PRKN: variants seen among roughly 807,000 people sequenced by gnomAD.
PRKN encodes parkin RBR E3 ubiquitin protein ligase, also known as E3 ubiquitin-protein ligase parkin.
A neutral mutation model predicts 59.5 loss-of-function variants in PRKN; 56 were observed. That is an observed-to-expected ratio of 0.94 (90% confidence interval 0.76 to 1.18). PRKN has a LOEUF of 1.18. Ranked by LOEUF, PRKN falls within the 50% of genes most tolerant of loss-of-function variation. The pLI is 0.00. For missense variants in PRKN, 657 were observed against 596.4 expected (o/e 1.10, Z -1.06); for synonymous variants, 250 against 222.1 (o/e 1.13, Z -1.12).
intron 7 of PRKN, among the ~76,000 whole-genome samples, chr6:161,694,068 C>T (rs1232761162): frequency 6.6e-6 from 1 of 152,176 alleles, no homozygotes; most frequent in Non-Finnish European, 1.5e-5. Flanking sequence ...AAACACAGCA[C>T]TTAGAATCAG....
chr6:162,237,792 T>TA (rs11377179), intron 3 of PRKN, among the ~76,000 whole-genome samples: 20,150 of 145,928 alleles, frequency 0.14, 1,466 homozygotes, highest in South Asian at 0.27. Context: ...GATATTTGGT[T>TA]AAAAAAAAAA....
In PRKN at chr6:161,390,395, G is replaced by A. The variant is rs1455663861; in HGVS notation, c.1084-3518C>T. 5.9e-5 allele frequency among the ~76,000 whole-genome samples: 9 copies of A among 152,226 alleles called. No individual in the cohort carries two copies. The highest frequency in any genetic ancestry group is 5.9e-4 in the Admixed American group (9 of 15,286). On this transcript the variant is annotated intron_variant, in intron 9 of 11. Transcript: ENST00000366898. This position sits in a 1 kb window ranked among gnomAD's most constrained non-coding sequence, Gnocchi z 7.0. ...TAGATTGTGCTATTTTCCTTTTGGT[G>A]ACATTGTATCTTTGCAAAGGTGGGC...
At position 161,538,833 on chromosome 6, in the gene PRKN, T is replaced by C. The variant is rs1256120096; in HGVS notation, c.1083+10021A>G. On this transcript the variant is annotated intron_variant, in intron 9 of 11. Transcript: ENST00000366898. This position sits in a 1 kb window ranked among gnomAD's most constrained non-coding sequence, Gnocchi z 4.2. ...ATCGACTTAGCCTTTCCCAGTGGAA[T>C]GTTGGACAAGCGAGAGAAATGCCTG... Among the ~76,000 whole-genome samples, 1 of 152,134 alleles carries C rather than the reference T, an allele frequency of 6.6e-6. No individual in the cohort carries two copies. Among genetic ancestry groups the C allele is most frequent in the Non-Finnish European group, 1.5e-5 (1 of 68,024 alleles).
intron 6 of PRKN, among the ~76,000 whole-genome samples, chr6:161,817,809 C>T (rs1791853351): frequency 6.6e-6 from 1 of 152,182 alleles, no homozygotes; most frequent in Non-Finnish European, 1.5e-5. Flanking sequence ...TAAGAAATCT[C>T]ATCTTAAATT....
chr6:162,519,266 G>C (rs1201721900), intron 1 of PRKN, among the ~76,000 whole-genome samples: 2 of 152,224 alleles, frequency 1.3e-5, no homozygotes, highest in African/African-American at 4.8e-5. Context: ...ACTAGTACAA[G>C]AGTAGGCATG....
intron 6 of PRKN, among the ~76,000 whole-genome samples, chr6:161,811,828 A>G (rs990209319): frequency 1.6e-4 from 24 of 152,064 alleles, no homozygotes; most frequent in African/African-American, 5.6e-4. Context: ...AGGCTGAGGC[A>G]GGGGTATCGC....
At chr6:162,632,217 C>T (rs920186517) in intron 1 of PRKN, among the ~76,000 whole-genome samples, 1 of 152,108 alleles carries the variant, frequency 6.6e-6, no homozygotes, top group African/African-American at 2.4e-5. Flanking sequence ...ACCTGTTCAT[C>T]GCTACACTAT....
rs1312443324 is a variant in PRKN, at chr6:161,703,835, CTCTCTTTTTTTTTTTTT to C, written c.871+81920_871+81936del. On this transcript the variant is annotated intron_variant, in intron 7 of 11. Coordinates refer to ENST00000366898, the MANE Select transcript of PRKN (RefSeq NM_004562.3). ...AGGACACACATCTCTCTCTCTCTCT[CTCTCTTTTTTTTTTTTT>C]TTTTTTTTTTTTTTTTTTTTTTTTA... 6.5e-3 allele frequency among the ~76,000 whole-genome samples: 825 copies of C among 126,448 alleles called. 27 individuals carry two copies. Among genetic ancestry groups the C allele is most frequent in the African/African-American group, 8.3e-3 (260 of 31,332 alleles). The allele number at this position is 126,448 out of a possible 152,430, so 83.0% of individuals were successfully genotyped here. A position where few individuals can be genotyped will look rare whatever the true frequency, so the allele number is the denominator to read the frequency against.
At chr6:162,637,399 G>A (rs1777767772) in intron 1 of PRKN, among the ~76,000 whole-genome samples, 2 of 151,970 alleles carry the variant, frequency 1.3e-5, no homozygotes, top group South Asian at 2.1e-4. Context: ...AGCTGATGAG[G>A]AGCACAACCA....
chr6:161,680,738 TA>T (rs1785289630), intron 7 of PRKN, among the ~76,000 whole-genome samples: 2 of 4,006 alleles, frequency 5.0e-4, no homozygotes, highest in African/African-American at 6.8e-4. Flanking sequence ...TATATATATA[TA>T]TATATATATA....
intron 2 of PRKN, among the ~76,000 whole-genome samples, chr6:162,305,380 C>T (rs1321140963): frequency 2.0e-5 from 3 of 151,148 alleles, no homozygotes; most frequent in Non-Finnish European, 2.9e-5. Context: ...CCCATTCTAC[C>T]TCTAATTTTT....
chr6:162,154,145 C>G (rs1240136373), intron 4 of PRKN, among the ~76,000 whole-genome samples: 1 of 152,052 alleles, frequency 6.6e-6, no homozygotes, highest in Non-Finnish European at 1.5e-5. Context: ...GAGGAACTAG[C>G]CTCTCTCCCA....
At chr6:161,765,876 T>G (rs190567462) in intron 7 of PRKN, among the ~76,000 whole-genome samples, 1 of 152,210 alleles carries the variant, frequency 6.6e-6, no homozygotes, top group Non-Finnish European at 1.5e-5. Flanking sequence ...GAAACGAGCA[T>G]GTTCAAATTA....
At chr6:162,478,293 ACT>A (rs1792125503) in intron 1 of PRKN, among the ~76,000 whole-genome samples, 1 of 152,188 alleles carries the variant, frequency 6.6e-6, no homozygotes, top group African/African-American at 2.4e-5. Flanking sequence ...GTTGAAAGTG[ACT>A]CTGGCTGTAA....
At chr6:161,585,448 T>G (rs1306278259) in intron 7 of PRKN, among the ~76,000 whole-genome samples, 1 of 152,190 alleles carries the variant, frequency 6.6e-6, no homozygotes, top group East Asian at 1.9e-4. Context: ...GAAGCCCTCT[T>G]TTGCAGATAG....
chr6:162,049,406 AAG>A (rs969322459), intron 5 of PRKN, among the ~76,000 whole-genome samples: 3 of 152,188 alleles, frequency 2.0e-5, no homozygotes, highest in African/African-American at 7.2e-5. Context: ...AAATGGTTTT[AAG>A]AGAGAGTGAA....
chr6:162,162,172 T>A (rs1206480909), intron 4 of PRKN, among the ~76,000 whole-genome samples: 1 of 152,108 alleles, frequency 6.6e-6, no homozygotes, highest in Non-Finnish European at 1.5e-5. Context: ...AACCTCCACC[T>A]CCCAGGTTCA....
At position 161,360,924 on chromosome 6, in the gene PRKN, T is replaced by C. The variant is rs1784953521; in HGVS notation, c.1168-719A>G. 6.6e-6 allele frequency among the ~76,000 whole-genome samples: 1 copy of C among 152,074 alleles called. No homozygotes were observed. The highest frequency in any genetic ancestry group is 2.4e-5 in the African/African-American group (1 of 41,414). On this transcript the variant is annotated intron_variant, in intron 10 of 11. Transcript: ENST00000366898. The surrounding 1 kb of genome is among the most constrained non-coding windows in gnomAD (Gnocchi z 5.1). The stretch of plus-strand genomic sequence containing the variant: ...TCTCTCAGATGAAACACCTTGTGCA[T>C]TGGGGGTATGGAGGATTCTATGAGT...
At chr6:162,648,158 T>C (rs1334392517) in intron 1 of PRKN, among the ~76,000 whole-genome samples, 1 of 151,998 alleles carries the variant, frequency 6.6e-6, no homozygotes. Flanking sequence ...GTATTAAATA[T>C]CACATGTAAC....
Sources: gnomAD v4.1 joint callset for allele counts (sites outside exome capture counted in the v4.1 genomes callset) on GRCh38, gnomAD v4.1.1 for gene constraint, Gnocchi (gnomAD v3.1) non-coding constraint, MANE v1.5 for transcripts, NCBI Gene and HGNC (gene_info 2026-07-23, HGNC 2026-07-21) for gene names.